Variants in HELLS observed in about 807,000 individuals in gnomAD.
HELLS encodes the protein lymphoid-specific helicase.
In HELLS, 32 loss-of-function variants were observed where a neutral mutation model predicts 120.0. The ratio of observed to expected loss-of-function variants is 0.27; its 90% confidence interval spans 0.20 to 0.36. The LOEUF (loss-of-function observed/expected upper bound fraction) is 0.36. HELLS is among the 10% of genes least tolerant of loss of function. The probability of loss-of-function intolerance (pLI) is 1.00; values close to 1 mark genes in which losing one functional copy is unlikely to be tolerated. For missense variants in HELLS, 650 were observed against 993.4 expected (o/e 0.65, Z 4.65); for synonymous variants, 341 against 323.4 (o/e 1.05, Z -0.58).
chr10:94,573,084 C>T (rs1260689729), intron 7 of HELLS, among the ~76,000 whole-genome samples: 1 of 152,132 alleles, frequency 6.6e-6, no homozygotes, highest in Non-Finnish European at 1.5e-5. Flanking sequence ...CTCAGCCTCC[C>T]AAGTAGCTGG....
chr10:94,553,786 G>A (rs1389981696), intron 2 of HELLS, among the ~76,000 whole-genome samples: 1 of 152,026 alleles, frequency 6.6e-6, no homozygotes, highest in Non-Finnish European at 1.5e-5. Flanking sequence ...GACCTCAGGT[G>A]ATCCGCCTGC....
chr10:94,558,091 TA>T, intron 3 of HELLS, 47 bp from the exon 4 acceptor site: 1 of 1,540,264 alleles, frequency 6.5e-7, no homozygotes, highest in South Asian at 1.3e-5. Context: ...GTTTTTTTTT[TA>T]AATGTTGCAC....
intron 2 of HELLS, among the ~76,000 whole-genome samples, chr10:94,549,469 A>C (rs1842884157): frequency 1.3e-5 from 2 of 152,230 alleles, no homozygotes; most frequent in Admixed American, 6.5e-5. Flanking sequence ...AGTCATTGTT[A>C]GTCTAGGAGA....
At chr10:94,593,439 CT>C in intron 17 of HELLS, 59 bp from the exon 18 acceptor site, 1 of 1,047,464 alleles carries the variant, frequency 9.5e-7, no homozygotes, top group South Asian at 1.3e-5. Context: ...CATTTTTCTC[CT>C]TCAGTCTTGT....
intron 13 of HELLS, among the ~76,000 whole-genome samples, chr10:94,588,758 T>C (rs1845308227): frequency 6.6e-6 from 1 of 152,230 alleles, no homozygotes; most frequent in African/African-American, 2.4e-5. Context: ...GGCATAAGGC[T>C]TAGTGGCAAA....
chr10:94,599,467 C>G (rs889940542), intron 21 of HELLS, among the ~76,000 whole-genome samples: 2 of 152,122 alleles, frequency 1.3e-5, no homozygotes, highest in African/African-American at 4.8e-5. Flanking sequence ...AATCCCCACA[C>G]CTCAGCCTCC....
At chr10:94,573,935 CTTA>C (rs896856446) in intron 7 of HELLS, 22 bp from the exon 8 acceptor site, 1 of 1,377,698 alleles carries the variant, frequency 7.3e-7, no homozygotes, top group African/African-American at 1.4e-5. Flanking sequence ...TATAACACAT[CTTA>C]TTAAACTTTT....
intron 21 of HELLS, among the ~76,000 whole-genome samples, chr10:94,600,602 T>C (rs531231575): frequency 7.2e-4 from 109 of 152,290 alleles, no homozygotes; most frequent in African/African-American, 2.6e-3. Context: ...ATAGATGATC[T>C]GGGGAAATAG....
At chr10:94,561,826 T>G (rs1205432901) in intron 4 of HELLS, among the ~76,000 whole-genome samples, 39 of 152,048 alleles carry the variant, frequency 2.6e-4, no homozygotes, top group Admixed American at 2.6e-3. Flanking sequence ...TTTCCATTAG[T>G]ATTCTCTTTT....
intron 21 of HELLS, among the ~76,000 whole-genome samples, chr10:94,600,884 C>T (rs1358417329): frequency 6.6e-6 from 1 of 151,922 alleles, no homozygotes; most frequent in Non-Finnish European, 1.5e-5. Flanking sequence ...AAGAGACAAA[C>T]CACAAATAAT....
At chr10:94,574,317 T>C (rs1376490078) in intron 8 of HELLS, 130 bp downstream of exon 8, 2 of 730,218 alleles carry the variant, frequency 2.7e-6, no homozygotes, top group Admixed American at 5.9e-5. Context: ...GATACTTGCT[T>C]TCTGATTTCT....
At chr10:94,580,034 C>T (rs139861782) in intron 10 of HELLS, among the ~76,000 whole-genome samples, 3 of 149,476 alleles carry the variant, frequency 2.0e-5, no homozygotes, top group African/African-American at 7.4e-5. Flanking sequence ...GTGGAAGTGA[C>T]TGAGTTCACT....
intron 19 of HELLS, among the ~76,000 whole-genome samples, chr10:94,595,076 A>C (rs1845675612): frequency 1.3e-5 from 2 of 152,026 alleles, no homozygotes; most frequent in Non-Finnish European, 2.9e-5. Flanking sequence ...AACAATACAA[A>C]AATTAGCTGG....
intron 9 of HELLS, 60 bp downstream of exon 9, chr10:94,574,796 T>C (rs549471209): frequency 1.5e-6 from 2 of 1,323,584 alleles, no homozygotes; most frequent in Non-Finnish European, 2.1e-6. Context: ...TGCTTTGTTG[T>C]AGTAGGAATT....
In HELLS at chr10:94,584,004, T is replaced by G. The variant is rs747691102; in HGVS notation, c.1326+945T>G. ...TTTCCTTAGGAAAGAATTCCTAGAA[T>G]GTATGTGTCAGAGTTTACAGATGAG... is the stretch of plus-strand genomic sequence containing the variant. On this transcript the variant is annotated intron_variant, in intron 12 of 21. Coordinates refer to ENST00000348459, the MANE Select transcript of HELLS (RefSeq NM_018063.5). 10 of 675,880 alleles carry G rather than the reference T, an allele frequency of 1.5e-5. No homozygotes were observed. In the South Asian group the frequency reaches 1.7e-4, roughly 12 times the overall value. The allele number at this position is 675,880 out of a possible 1,614,324, so 41.9% of individuals were successfully genotyped here. A position where few individuals can be genotyped will look rare whatever the true frequency, so the allele number is the denominator to read the frequency against.
intron 4 of HELLS, among the ~76,000 whole-genome samples, chr10:94,562,460 A>G (rs1007692857): frequency 2.0e-5 from 3 of 152,186 alleles, no homozygotes; most frequent in African/African-American, 4.8e-5. Flanking sequence ...TCTCTTCTAA[A>G]TGGAAAAAAA....
chr10:94,557,947 A>G (rs1035334466), intron 3 of HELLS, among the ~76,000 whole-genome samples, 192 bp from the exon 4 acceptor site: 1 of 152,216 alleles, frequency 6.6e-6, no homozygotes, highest in African/African-American at 2.4e-5. Flanking sequence ...TCTGGATTTT[A>G]GTTGTTTAAG....
At chr10:94,574,463 G>C (rs1316117090) in intron 8 of HELLS, 91 bp from the exon 9 acceptor site, 1 of 964,022 alleles carries the variant, frequency 1.0e-6, no homozygotes, top group African/African-American at 1.6e-5. Context: ...CTCATCTTTG[G>C]GTGTGATTTT....
chr10:94,580,425 G>T (rs1026278178), intron 10 of HELLS, among the ~76,000 whole-genome samples: 2 of 151,036 alleles, frequency 1.3e-5, no homozygotes, highest in African/African-American at 2.4e-5. Flanking sequence ...CAGGTAATGC[G>T]TCTGCCTCGG....
Sources: allele counts gnomAD v4.1 joint callset (sites outside exome capture counted in the v4.1 genomes callset), GRCh38; gene constraint gnomAD v4.1.1; transcripts MANE v1.5; gene names NCBI Gene and HGNC (gene_info 2026-07-23, HGNC 2026-07-21).